The following EYS variants were observed in gnomAD, a reference collection of about 807,000 sequenced individuals.
The protein encoded by EYS is EGF-like photoreceptor maintenance factor, also known as protein eyes shut homolog.
A neutral mutation model predicts 282.1 loss-of-function variants in EYS; 250 were observed. The observed-to-expected ratio is 0.89, with a 90% CI of 0.80 to 0.98. EYS has a LOEUF of 0.98. Ranked by LOEUF, EYS falls within the 50% of genes least tolerant of loss-of-function variation. The pLI is 0.00. For missense variants in EYS, 4,016 were observed against 3,709.0 expected, an observed-to-expected ratio of 1.08 and a Z score of -2.15; for synonymous variants, 1,355 against 1,282.9, an observed-to-expected ratio of 1.06 and a Z score of -1.20.
chr6:64,351,657 G>T (rs1182282891), intron 29 of EYS, among the ~76,000 whole-genome samples: 1 of 151,408 alleles, frequency 6.6e-6, no homozygotes, highest in Non-Finnish European at 1.5e-5. Context: ...TGCTTCAGTG[G>T]ACTACAAGGT....
chr6:65,571,161 C>T (rs376204296), intron 2 of EYS, among the ~76,000 whole-genome samples: 1 of 151,978 alleles, frequency 6.6e-6, no homozygotes, highest in Non-Finnish European at 1.5e-5. Flanking sequence ...AAGAGAAAAA[C>T]AAACATGTAT....
Position 64,634,547 on chromosome 6 carries a change from C to CAAAA in EYS, c.3444-8306_3444-8303dup, listed in dbSNP as rs57871928. On this transcript the variant is annotated intron_variant, in intron 22 of 42. Coordinates refer to ENST00000503581, the MANE Select transcript of EYS (RefSeq NM_001142800.2). ...ATACTCAGTAAGATACCCTAGCTTC[C>CAAAA]AAAAAAAAAAAAAAAGAGCCCTAAG... Among the ~76,000 whole-genome samples the CAAAA allele has an allele frequency of 5.7e-3, 812 of 141,296 alleles. 7 individuals carry two copies. The highest frequency in any genetic ancestry group is 0.024 in the East Asian group (113 of 4,678). The allele number at this position is 141,296 out of a possible 152,430, so 92.7% of individuals were successfully genotyped here.
intron 2 of EYS, among the ~76,000 whole-genome samples, chr6:65,590,487 T>C (rs912310926): frequency 1.3e-5 from 2 of 152,034 alleles, no homozygotes; most frequent in African/African-American, 4.8e-5. Flanking sequence ...GTGAGAACAT[T>C]CCAAATTCTC....
At position 65,655,001 on chromosome 6, in the gene EYS, AT is replaced by A. The variant is rs759312893; in HGVS notation, c.-447-15110del. ...ATTAAAAAAAAAAAAAAAAAAAAAA[AT>A]GTTTGTCCAAGATTTTAGAGCAGGA... On this transcript the variant is annotated intron_variant, in intron 1 of 42. Transcript: ENST00000503581. 5.0e-4 allele frequency among the ~76,000 whole-genome samples: 73 copies of A among 146,376 alleles called. No individual in the cohort carries two copies. In the South Asian group the frequency reaches 8.8e-3, roughly 18 times the overall value.
chr6:65,161,028 A>G (rs1241211369), intron 12 of EYS, among the ~76,000 whole-genome samples: 2 of 150,898 alleles, frequency 1.3e-5, no homozygotes, highest in African/African-American at 4.8e-5. Context: ...CAAAGTTTTC[A>G]TGGTATAACC....
At chr6:65,451,241 A>C (rs1037455774) in intron 5 of EYS, among the ~76,000 whole-genome samples, 1 of 152,100 alleles carries the variant, frequency 6.6e-6, no homozygotes, top group African/African-American at 2.4e-5. Context: ...AAGTAGAGAA[A>C]GATAATAAAG....
intron 35 of EYS, among the ~76,000 whole-genome samples, chr6:63,918,313 A>T (rs1764478990): frequency 6.6e-6 from 1 of 152,202 alleles, no homozygotes; most frequent in East Asian, 1.9e-4. Context: ...TAGTATCCTA[A>T]AATCTAGGTG....
At chr6:63,843,521 G>A (rs149407388) in intron 36 of EYS, among the ~76,000 whole-genome samples, 198 of 152,066 alleles carry the variant, frequency 1.3e-3, no homozygotes, top group South Asian at 2.9e-3. Context: ...CTCAATAGAC[G>A]CAGAAAAGAT....
intron 22 of EYS, among the ~76,000 whole-genome samples, chr6:64,788,401 C>T (rs1439149415): frequency 6.6e-6 from 1 of 152,086 alleles, no homozygotes; most frequent in Non-Finnish European, 1.5e-5. Context: ...TCCATTAACC[C>T]CAGTTTCCAC....
intron 19 of EYS, among the ~76,000 whole-genome samples, chr6:64,835,447 A>G (rs912084444): frequency 1.1e-4 from 17 of 150,848 alleles, no homozygotes; most frequent in African/African-American, 3.9e-4. Flanking sequence ...ATAGACTAAC[A>G]CAGTCACTAA....
At position 63,798,981 on chromosome 6, in the gene EYS, ATGTG is replaced by A. The variant is rs1170085864; in HGVS notation, c.7411+7205_7411+7208del. ...TATATGTGTATATATATATATGTAT[ATGTG>A]TGTATATATATATATATATATATAT... On this transcript the variant is annotated intron_variant, in intron 37 of 42. Transcript: ENST00000503581. Among the ~76,000 whole-genome samples the A allele has an allele frequency of 1.8e-5, 2 of 110,438 alleles. 1 individual carries two copies. The highest frequency in any genetic ancestry group is 7.8e-5 in the African/African-American group (2 of 25,530). 72.5% of individuals were successfully genotyped at this position (110,438 alleles called of 152,430 possible). A position where few individuals can be genotyped will look rare whatever the true frequency, so the allele number is the denominator to read the frequency against.
At chr6:63,934,813 T>C (rs978683614) in intron 35 of EYS, among the ~76,000 whole-genome samples, 1 of 150,996 alleles carries the variant, frequency 6.6e-6, no homozygotes, top group Non-Finnish European at 1.5e-5. Context: ...GAGGAGTTAA[T>C]GGGTGCAGCA....
At chr6:65,110,118 T>C (rs1775171831) in intron 12 of EYS, among the ~76,000 whole-genome samples, 1 of 152,118 alleles carries the variant, frequency 6.6e-6, no homozygotes, top group Non-Finnish European at 1.5e-5. Context: ...ACCCTTTATA[T>C]CATGTTTTGT....
At chr6:64,546,496 A>C (rs376999615) in intron 26 of EYS, among the ~76,000 whole-genome samples, 1 of 151,976 alleles carries the variant, frequency 6.6e-6, no homozygotes. Flanking sequence ...AAAAGCAATG[A>C]CAACAAAAGC....
intron 2 of EYS, among the ~76,000 whole-genome samples, chr6:65,634,950 A>G (rs1462637623): frequency 1.3e-5 from 2 of 152,324 alleles, no homozygotes; most frequent in East Asian, 3.9e-4. Flanking sequence ...CCTCTTATTA[A>G]AAATCAATTT....
intron 29 of EYS, among the ~76,000 whole-genome samples, chr6:64,309,543 C>T (rs59929613): frequency 0.031 from 4,730 of 152,096 alleles, 235 homozygotes; most frequent in African/African-American, 0.11. Context: ...AGTTATTTAG[C>T]TTCCAAATAA....
rs142291957 is a variant in EYS, at chr6:65,028,016, A to G, written c.2137+29598T>C. 1.4e-3 allele frequency among the ~76,000 whole-genome samples: 218 copies of G among 152,260 alleles called. 2 individuals carry two copies. Among genetic ancestry groups the G allele is most frequent in the African/African-American group, 5.2e-3 (215 of 41,580 alleles). ...TTCAAAGTCTGCTTTACTATCCTGC[A>G]TTCCCATCATCAATGACTACACTTT... On this transcript the variant is annotated intron_variant, in intron 13 of 42. Coordinates refer to ENST00000503581, the MANE Select transcript of EYS (RefSeq NM_001142800.2).
intron 1 of EYS, among the ~76,000 whole-genome samples, chr6:65,684,854 TTTTG>T (rs1768956138): frequency 6.6e-6 from 1 of 152,122 alleles, no homozygotes; most frequent in South Asian, 2.1e-4. Flanking sequence ...TTTTCTCTTC[TTTTG>T]TTTTTCTTTT....
chr6:64,295,449 A>G (rs192447783), intron 30 of EYS, among the ~76,000 whole-genome samples: 1,073 of 9,320 alleles, frequency 0.12, 6 homozygotes, highest in East Asian at 0.16. Context: ...GAAGAGGAAG[A>G]AGAAGAAGAA....
Sources: gnomAD v4.1 joint callset for allele counts (sites outside exome capture counted in the v4.1 genomes callset) on GRCh38, gnomAD v4.1.1 for gene constraint, MANE v1.5 for transcripts, NCBI Gene and HGNC (gene_info 2026-07-23, HGNC 2026-07-21) for gene names.